Variants in MRTFA observed in about 807,000 individuals in gnomAD.
MRTFA encodes myocardin-related transcription factor A.
MRTFA carries 20 observed loss-of-function variants against 83.5 expected under a neutral mutation model. That is an observed-to-expected ratio of 0.24 (90% confidence interval 0.17 to 0.35). The LOEUF (loss-of-function observed/expected upper bound fraction) is 0.35. MRTFA is among the 10% of genes least tolerant of loss of function. The pLI is 1.00. For synonymous variants in MRTFA, 659 were observed against 541.2 expected (o/e 1.22, Z -3.02); for missense variants, 1,200 against 1,224.7 (o/e 0.98, Z 0.30).
At chr22:40,509,465 C>T (rs1175799012) in intron 3 of MRTFA, among the ~76,000 whole-genome samples, 1 of 152,176 alleles carries the variant, frequency 6.6e-6, no homozygotes. Context: ...TCCCCATAGC[C>T]GAAAGAGGTT....
At chr22:40,626,510 C>G (rs2056584028) in intron 1 of MRTFA, among the ~76,000 whole-genome samples, 1 of 152,054 alleles carries the variant, frequency 6.6e-6, no homozygotes, top group Non-Finnish European at 1.5e-5. Context: ...CTAGGCTGGT[C>G]TTGAACCTCT....
intron 4 of MRTFA, among the ~76,000 whole-genome samples, chr22:40,455,662 AAAC>A (rs199617172): frequency 0.073 from 10,529 of 144,890 alleles, 662 homozygotes; most frequent in East Asian, 0.2. Flanking sequence ...AAAAAAAAAA[AAAC>A]ATATGGAGTG....
At chr22:40,459,115 G>A (rs1220997452) in intron 4 of MRTFA, among the ~76,000 whole-genome samples, 1 of 151,148 alleles carries the variant, frequency 6.6e-6, no homozygotes, top group African/African-American at 2.4e-5. Context: ...GGTGAGGAGT[G>A]GGATTAGTGG....
intron 2 of MRTFA, among the ~76,000 whole-genome samples, chr22:40,577,720 C>T (rs932352822): frequency 6.6e-6 from 1 of 151,738 alleles, no homozygotes; most frequent in African/African-American, 2.4e-5. Flanking sequence ...GACTCTCCTG[C>T]CTCAGCCTCC....
intron 3 of MRTFA, among the ~76,000 whole-genome samples, chr22:40,514,771 C>T (rs960278137): frequency 4.0e-5 from 6 of 151,846 alleles, no homozygotes; most frequent in Non-Finnish European, 7.4e-5. Flanking sequence ...TGAGCCACCA[C>T]GCCCAGCCCT....
At chr22:40,518,392 G>A (rs553161143) in intron 3 of MRTFA, among the ~76,000 whole-genome samples, 2 of 150,596 alleles carry the variant, frequency 1.3e-5, no homozygotes, top group African/African-American at 2.4e-5. Flanking sequence ...TCCAGTTGGT[G>A]ACCAGATGGT....
intron 3 of MRTFA, among the ~76,000 whole-genome samples, chr22:40,481,319 G>A (rs901078054): frequency 6.6e-6 from 1 of 152,110 alleles, no homozygotes; most frequent in African/African-American, 2.4e-5. Context: ...TCGGGCACTA[G>A]GAAGATTGTC....
chr22:40,451,869 G>A (rs1212878152), intron 4 of MRTFA, among the ~76,000 whole-genome samples: 1 of 150,182 alleles, frequency 6.7e-6, no homozygotes, highest in African/African-American at 2.5e-5. Context: ...TCTTTCTGAA[G>A]TCCCCATAAT....
At chr22:40,577,603 C>T (rs1023068910) in intron 2 of MRTFA, among the ~76,000 whole-genome samples, 7 of 149,486 alleles carry the variant, frequency 4.7e-5, no homozygotes, top group Non-Finnish European at 1.0e-4. Context: ...ATTCAATCTA[C>T]ATCTGATTTT....
intron 2 of MRTFA, among the ~76,000 whole-genome samples, chr22:40,559,772 AAAG>A (rs567060828): frequency 2.0e-5 from 3 of 152,346 alleles, no homozygotes; most frequent in African/African-American, 7.2e-5. Context: ...TGCAAAAAGA[AAAG>A]AAAGAAAATA....
At chr22:40,422,034 G>A (rs1408552085) in intron 9 of MRTFA, among the ~76,000 whole-genome samples, 1 of 152,212 alleles carries the variant, frequency 6.6e-6, no homozygotes, top group Non-Finnish European at 1.5e-5. Flanking sequence ...AGAAAGGGCA[G>A]GGCTGCCGGG....
intron 13 of MRTFA, 145 bp from the exon 14 acceptor site, chr22:40,417,191 C>T (rs1362257045): frequency 4.4e-6 from 6 of 1,359,002 alleles, no homozygotes; most frequent in African/African-American, 1.5e-5. Context: ...TCCTGGAGCC[C>T]GTCCCCTAAC....
Position 40,417,409 on chromosome 22 carries a change from G to C in MRTFA, c.2449C>G (p.Pro817Ala), listed in dbSNP as rs145757367. The change falls in exon 13 of 15, where the codon CCC becomes GCC. Residue 817 changes from proline to alanine, a missense_variant. Pro to Ala is a conservative substitution (Grantham distance 27). Around this residue, in one of 2 missense-constraint regions of MRTFA, gnomAD observed 1,107 missense variants for 1,041.8 expected, o/e 1.06. Transcript: ENST00000355630. ...GGTTCCTTCTTCAGCAGAGAAGTGG[G>C]GGTCCCAAAGAGGGGCTGCAGTGGG... is the stretch of plus-strand genomic sequence containing the variant. The C allele has an allele frequency of 1.2e-6, 2 of 1,611,030 alleles. No individual in the cohort carries two copies. Among genetic ancestry groups the C allele is most frequent in the East Asian group, 2.2e-5 (1 of 44,864 alleles).
At chr22:40,599,852 T>C (rs949439704) in intron 1 of MRTFA, among the ~76,000 whole-genome samples, 3 of 150,548 alleles carry the variant, frequency 2.0e-5, no homozygotes, top group Admixed American at 2.0e-4. Flanking sequence ...CGAGCTATGA[T>C]TACACCACTG....
At chr22:40,512,520 A>G (rs1239625961) in intron 3 of MRTFA, among the ~76,000 whole-genome samples, 1 of 152,234 alleles carries the variant, frequency 6.6e-6, no homozygotes, top group Non-Finnish European at 1.5e-5. Context: ...GGATTCCTCA[A>G]GTGGAAGAAA....
chr22:40,454,089 A>C (rs768251333), intron 4 of MRTFA, among the ~76,000 whole-genome samples: 4 of 152,200 alleles, frequency 2.6e-5, no homozygotes, highest in Non-Finnish European at 5.9e-5. Context: ...GATAGGAAAG[A>C]AAGTAAAATT....
intron 3 of MRTFA, among the ~76,000 whole-genome samples, chr22:40,534,915 G>A (rs1343897907): frequency 1.3e-5 from 2 of 152,178 alleles, no homozygotes; most frequent in Non-Finnish European, 2.9e-5. Flanking sequence ...GACCTTAAGA[G>A]AGAAAATAGT....
intron 3 of MRTFA, among the ~76,000 whole-genome samples, chr22:40,503,458 G>A (rs889187841): frequency 2.0e-5 from 3 of 152,142 alleles, no homozygotes; most frequent in Non-Finnish European, 2.9e-5. Context: ...TGATCTGCCC[G>A]CCTCGGCTTC....
At position 40,618,929 on chromosome 22, in the gene MRTFA, C is replaced by A. The variant is rs1431945704; in HGVS notation, c.-84+17549G>T. On this transcript the variant is annotated intron_variant, in intron 1 of 14. Transcript: ENST00000355630. ...TGAGCCAAGACTGCGCCACTGCACT[C>A]CAGCCTGGGTGACACAGCAAGACTC... Among the ~76,000 whole-genome samples, 3 of 151,732 alleles carry A rather than the reference C, an allele frequency of 2.0e-5. No individual in the cohort carries two copies. In the East Asian group the frequency reaches 5.8e-4, roughly 29 times the overall value.
Sources: gnomAD v4.1 joint callset for allele counts (sites outside exome capture counted in the v4.1 genomes callset) on GRCh38, gnomAD v4.1.1 for gene constraint, gnomAD v4.1.1 regional missense constraint, MANE v1.5 for transcripts, NCBI Gene and HGNC (gene_info 2026-07-23, HGNC 2026-07-21) for gene names.